The following CROT variants were observed in gnomAD, a reference collection of about 807,000 sequenced individuals.
CROT encodes carnitine O-octanoyltransferase.
Under a neutral mutation model 89.2 loss-of-function variants are expected in CROT, and 84 were observed. The observed-to-expected ratio is 0.94, with a 90% CI of 0.79 to 1.13. The LOEUF is 1.13. Ranked by LOEUF, CROT falls within the 50% of genes most tolerant of loss-of-function variation. The pLI, the probability that CROT is intolerant of heterozygous loss-of-function variation, is 0.00. For synonymous variants in CROT, 212 were observed against 239.5 expected, an observed-to-expected ratio of 0.89 and a Z score of 1.06; for missense variants, 711 against 727.8, an observed-to-expected ratio of 0.98 and a Z score of 0.27.
At chr7:87,349,909 T>C (rs1337331175) in intron 3 of CROT, among the ~76,000 whole-genome samples, 1 of 152,174 alleles carries the variant, frequency 6.6e-6, no homozygotes, top group East Asian at 1.9e-4. Context: ...CTTCTCATAA[T>C]AGTGTGCAGT....
At chr7:87,373,939 A>T (rs1562933770) in intron 7 of CROT, among the ~76,000 whole-genome samples, 1 of 152,116 alleles carries the variant, frequency 6.6e-6, no homozygotes, top group Non-Finnish European at 1.5e-5. Flanking sequence ...AGTGTCAAAC[A>T]TTCTATAATG....
intron 3 of CROT, 104 bp from the exon 4 acceptor site, chr7:87,359,102 G>T: frequency 1.3e-6 from 1 of 793,864 alleles, no homozygotes; most frequent in South Asian, 1.5e-5. Context: ...ATACAGTACT[G>T]TGTTTTACAT....
chr7:87,373,282 A>G (rs1294639998), intron 7 of CROT, among the ~76,000 whole-genome samples: 4 of 152,044 alleles, frequency 2.6e-5, no homozygotes, highest in Non-Finnish European at 5.9e-5. Flanking sequence ...TTTTTAAATT[A>G]GTTTGTTTTT....
intron 13 of CROT, among the ~76,000 whole-genome samples, chr7:87,385,614 T>C (rs1406590880): frequency 6.6e-6 from 1 of 152,214 alleles, no homozygotes; most frequent in Admixed American, 6.5e-5. Flanking sequence ...TTAGATCATG[T>C]CATCTGCAGA....
intron 2 of CROT, 53 bp from the exon 3 acceptor site, chr7:87,348,995 C>T (rs567836795): frequency 1.9e-5 from 14 of 729,438 alleles, no homozygotes; most frequent in African/African-American, 1.1e-4. Context: ...ACCTAGGATA[C>T]GTAACACTAT....
chr7:87,359,580 T>A (rs1024417829), intron 4 of CROT: 1 of 1,229,818 alleles, frequency 8.1e-7, no homozygotes, highest in African/African-American at 1.6e-5. Flanking sequence ...CCAGAGATTC[T>A]TATTTTAACA....
intron 10 of CROT, among the ~76,000 whole-genome samples, chr7:87,380,661 A>G (rs1806966971): frequency 6.6e-6 from 1 of 152,228 alleles, no homozygotes; most frequent in Non-Finnish European, 1.5e-5. Context: ...GGAATTTTAT[A>G]TATTTTCTAC....
chr7:87,392,518 G>T (rs894981094), intron 14 of CROT, 48 bp from the exon 15 acceptor site: 16 of 1,436,044 alleles, frequency 1.1e-5, no homozygotes, highest in Non-Finnish European at 1.3e-5. Flanking sequence ...TTTTCTAGTT[G>T]GGTTTTGCAC....
rs1283273011 is a variant in CROT, at chr7:87,392,550, T to C, written c.1426-16T>C. 6.2e-7 allele frequency: 1 copy of C among 1,609,010 alleles called. No individual in the cohort carries two copies. The highest frequency in any genetic ancestry group is 1.1e-5 in the South Asian group (1 of 90,792). Reference sequence around the variant, plus strand: ...GCACAGTGTGTTATTGAAGTGTCTCTCGATTTTTAATACAGCTTCGTGAGC... The same window carrying C: ...GCACAGTGTGTTATTGAAGTGTCTCCCGATTTTTAATACAGCTTCGTGAGC... On this transcript the variant is annotated splice_polypyrimidine_tract_variant and intron_variant, in intron 14 of 17. Transcript: ENST00000331536.
At chr7:87,366,731 C>T (rs1362727808) in intron 6 of CROT, among the ~76,000 whole-genome samples, 1 of 152,172 alleles carries the variant, frequency 6.6e-6, no homozygotes, top group Admixed American at 6.5e-5. Flanking sequence ...TCTTTGCTAC[C>T]TCTCCCCAGT....
At chr7:87,396,082 A>T (rs1339416745) in intron 17 of CROT, among the ~76,000 whole-genome samples, 1 of 152,214 alleles carries the variant, frequency 6.6e-6, no homozygotes, top group Non-Finnish European at 1.5e-5. Flanking sequence ...CTAGGAAATC[A>T]TGAAAGAGAT....
intron 3 of CROT, 65 bp from the exon 4 acceptor site, chr7:87,359,141 G>A (rs1284804533): frequency 2.8e-6 from 3 of 1,054,060 alleles, no homozygotes; most frequent in South Asian, 2.7e-5. Context: ...GCATAAGTTA[G>A]TAATAATAGA....
intron 7 of CROT, among the ~76,000 whole-genome samples, chr7:87,370,597 CAT>C (rs1489449726): frequency 6.6e-6 from 1 of 152,154 alleles, no homozygotes; most frequent in Non-Finnish European, 1.5e-5. Flanking sequence ...ATATTGCAAA[CAT>C]GTACAAAACT....
chr7:87,366,435 T>C (rs571020190), intron 6 of CROT, among the ~76,000 whole-genome samples: 2 of 152,310 alleles, frequency 1.3e-5, no homozygotes, highest in Admixed American at 1.3e-4. Flanking sequence ...CCTTCATCTA[T>C]TGATTGCTTT....
intron 1 of CROT, 38 bp downstream of exon 1, chr7:87,345,805 T>A (rs570097731): frequency 1.0e-4 from 23 of 220,124 alleles, no homozygotes; most frequent in African/African-American, 5.9e-4. Flanking sequence ...CCCTAATCCT[T>A]CAACTCGGGG....
intron 3 of CROT, chr7:87,357,732 AC>A: frequency 1.7e-6 from 1 of 597,946 alleles, no homozygotes; most frequent in African/African-American, 1.9e-5. Context: ...CTATGTAAAG[AC>A]TAAACTAAGC....
chr7:87,350,883 C>T (rs1334125959), intron 3 of CROT, among the ~76,000 whole-genome samples: 3 of 152,144 alleles, frequency 2.0e-5, no homozygotes, highest in Middle Eastern at 3.4e-3. Context: ...CAACTAAGCC[C>T]ATCAAAAATG....
rs1394700987 is a variant in CROT, at chr7:87,398,886, T to C, written c.*242T>C. 4.2e-6 allele frequency: 2 copies of C among 477,658 alleles called. No individual in the cohort carries two copies. Among genetic ancestry groups the C allele is most frequent in the Admixed American group, 3.7e-5 (1 of 26,712 alleles). The allele number at this position is 477,658 out of a possible 1,614,324, so 29.6% of individuals were successfully genotyped here. A position where few individuals can be genotyped will look rare whatever the true frequency, so the allele number is the denominator to read the frequency against. On this transcript the variant is annotated 3_prime_UTR_variant, in exon 18 of 18. Coordinates refer to ENST00000331536, the MANE Select transcript of CROT (RefSeq NM_021151.4). ...AATGCAAATTATGACATAGTGAATA[T>C]AGAACTATGCAGTATTTAAGCCTCA...
intron 3 of CROT, among the ~76,000 whole-genome samples, chr7:87,358,546 C>A (rs1198311201): frequency 6.8e-6 from 1 of 146,010 alleles, no homozygotes; most frequent in East Asian, 2.0e-4. Flanking sequence ...AGTTGATTAA[C>A]AGATAATTTT....
Sources: gnomAD v4.1 joint callset for allele counts (sites outside exome capture counted in the v4.1 genomes callset) on GRCh38, gnomAD v4.1.1 for gene constraint, MANE v1.5 for transcripts, NCBI Gene and HGNC (gene_info 2026-07-23, HGNC 2026-07-21) for gene names.